Variants in AAK1 observed in about 807,000 individuals in gnomAD.
The protein encoded by AAK1 is AP2 associated kinase 1.
A neutral mutation model predicts 116.0 loss-of-function variants in AAK1; 37 were observed. The observed-to-expected ratio is 0.32, with a 90% CI of 0.25 to 0.42. The LOEUF (loss-of-function observed/expected upper bound fraction) is 0.42, where lower values mean the gene tolerates loss of function less well. Ranked by LOEUF, AAK1 falls within the 10% of genes least tolerant of loss-of-function variation. AAK1 has a pLI of 1.00. For missense variants in AAK1, 919 were observed against 1,170.6 expected, an observed-to-expected ratio of 0.79 and a Z score of 3.14; for synonymous variants, 458 against 439.9, an observed-to-expected ratio of 1.04 and a Z score of -0.51.
At chr2:69,629,608 A>G (rs1488938667) in intron 2 of AAK1, among the ~76,000 whole-genome samples, 1 of 152,196 alleles carries the variant, frequency 6.6e-6, no homozygotes, top group Non-Finnish European at 1.5e-5. Flanking sequence ...ACACAGATCT[A>G]TTATACGATT....
chr2:69,580,630 T>A (rs912792627), intron 2 of AAK1, among the ~76,000 whole-genome samples: 3 of 152,226 alleles, frequency 2.0e-5, no homozygotes, highest in Non-Finnish European at 4.4e-5. Flanking sequence ...TTGCTCCAGG[T>A]TCCGTTAGAA....
chr2:69,474,343 G>C lies in AAK1; in HGVS notation c.*1526C>G. The stretch of plus-strand genomic sequence containing the variant: ...GGCACTAGAGGAAAAGAACAGGAGT[G>C]GGGTTCTCTGTGCCCACTTCTTTTC... On this transcript the variant is annotated 3_prime_UTR_variant, in exon 22 of 22. Transcript: ENST00000409085. The C allele has an allele frequency of 1.0e-6, 1 of 985,820 alleles. No homozygotes were observed. The highest frequency in any genetic ancestry group is 1.2e-6 in the Non-Finnish European group (1 of 829,916). The allele number at this position is 985,820 out of a possible 1,614,324, so 61.1% of individuals were successfully genotyped here.
Position 69,475,474 on chromosome 2 carries a change from T to G in AAK1, c.*395A>C. ...AGCATCTGGCCAAAGGAGACGGGGG[T>G]TGGGAGAATTGATCTGGGAGGCCAT... On this transcript the variant is annotated 3_prime_UTR_variant, in exon 22 of 22. Transcript: ENST00000409085. The G allele has an allele frequency of 9.9e-7, 1 of 1,015,132 alleles. No homozygotes were observed. The highest frequency in any genetic ancestry group is 1.2e-6 in the Non-Finnish European group (1 of 847,562). 62.9% of individuals were successfully genotyped at this position (1,015,132 alleles called of 1,614,324 possible).
At chr2:69,527,118 G>A (rs1156252365) in intron 9 of AAK1, 98 bp downstream of exon 9, 51 of 839,888 alleles carry the variant, frequency 6.1e-5, no homozygotes, top group Non-Finnish European at 2.8e-5. Flanking sequence ...ATAAAGCAAG[G>A]GACATCTAAA....
chr2:69,556,775 G>C, intron 3 of AAK1, 85 bp downstream of exon 3: 1 of 1,071,438 alleles, frequency 9.3e-7, no homozygotes, highest in Non-Finnish European at 1.4e-6. Flanking sequence ...TCAGGGAAGG[G>C]AACAAACCCC....
At position 69,626,711 on chromosome 2, in the gene AAK1, A is replaced by T. The variant is rs189685670; in HGVS notation, c.163+16167T>A. Among the ~76,000 whole-genome samples, 322 of 142,532 alleles carry T rather than the reference A, an allele frequency of 2.3e-3. 2 individuals carry two copies. Among genetic ancestry groups the T allele is most frequent in the African/African-American group, 8.0e-3 (295 of 37,096 alleles). 93.5% of individuals were successfully genotyped at this position (142,532 alleles called of 152,430 possible). A position where few individuals can be genotyped will look rare whatever the true frequency, so the allele number is the denominator to read the frequency against. ...GACAGGGTTTTGCCATGTTGCCCAG[A>T]CTGGTCTTGAACTCCTGGGCTCAAG... On this transcript the variant is annotated intron_variant, in intron 2 of 21. Transcript: ENST00000409085.
At chr2:69,606,927 G>A (rs989667952) in intron 2 of AAK1, among the ~76,000 whole-genome samples, 13 of 151,968 alleles carry the variant, frequency 8.6e-5, no homozygotes, top group African/African-American at 2.7e-4. Flanking sequence ...TTAGCCGGGC[G>A]TGGTGGTGCA....
chr2:69,610,637 A>G (rs1674035508), intron 2 of AAK1, among the ~76,000 whole-genome samples: 1 of 152,240 alleles, frequency 6.6e-6, no homozygotes, highest in Admixed American at 6.5e-5. Context: ...TCCAGAAAAT[A>G]TTAAAAATTC....
At chr2:69,543,554 C>T (rs549152498) in intron 4 of AAK1, among the ~76,000 whole-genome samples, 17 of 152,018 alleles carry the variant, frequency 1.1e-4, no homozygotes, top group African/African-American at 3.1e-4. Context: ...ATTACAGGTG[C>T]GCACCACCAT....
At chr2:69,535,667 A>G (rs917621531) in intron 5 of AAK1, among the ~76,000 whole-genome samples, 2 of 152,056 alleles carry the variant, frequency 1.3e-5, no homozygotes, top group Admixed American at 6.6e-5. Context: ...ATGGGGAAAG[A>G]GCATTCCAAG....
rs2104872476 is a variant in AAK1, at chr2:69,471,369, T to G, written c.*4500A>C. 1.0e-6 allele frequency: 1 copy of G among 985,450 alleles called. No homozygotes were observed. 61.0% of individuals were successfully genotyped at this position (985,450 alleles called of 1,614,324 possible). On this transcript the variant is annotated 3_prime_UTR_variant, in exon 22 of 22. Transcript: ENST00000409085. ...AGCACTCATTCTGATTTAAGAAATC[T>G]AAGCACATCCAACTTCAGAAACATT...
chr2:69,570,598 C>T (rs1180311735), intron 2 of AAK1, among the ~76,000 whole-genome samples: 5 of 152,038 alleles, frequency 3.3e-5, no homozygotes, highest in Non-Finnish European at 7.4e-5. Flanking sequence ...CTAGGTAGGG[C>T]ACCTGAAAAA....
chr2:69,500,698 T>TAGACACACACAC, intron 16 of AAK1, among the ~76,000 whole-genome samples: 56 of 65,100 alleles, frequency 8.6e-4, no homozygotes, highest in African/African-American at 4.3e-3. Flanking sequence ...TATATATATA[T>TAGACACACACAC]ACACACACAC....
intron 5 of AAK1, among the ~76,000 whole-genome samples, chr2:69,536,014 C>T (rs1040483256): frequency 6.6e-6 from 1 of 152,180 alleles, no homozygotes; most frequent in African/African-American, 2.4e-5. Context: ...TCATATAATC[C>T]TTACAAAGCC....
At chr2:69,504,368 A>T (rs1001141377) in intron 16 of AAK1, among the ~76,000 whole-genome samples, 3 of 140,980 alleles carry the variant, frequency 2.1e-5, no homozygotes, top group African/African-American at 5.4e-5. Context: ...ACTGCACTCC[A>T]GCCTGGGCGA....
intron 10 of AAK1, among the ~76,000 whole-genome samples, chr2:69,522,123 T>C (rs1043729182): frequency 1.3e-5 from 2 of 152,240 alleles, no homozygotes; most frequent in South Asian, 4.1e-4. Flanking sequence ...TCATTTACAG[T>C]AGTCCAGGCA....
At chr2:69,583,694 C>T (rs1244653751) in intron 2 of AAK1, among the ~76,000 whole-genome samples, 3 of 152,182 alleles carry the variant, frequency 2.0e-5, no homozygotes, top group Non-Finnish European at 4.4e-5. Context: ...TCTTCACCTG[C>T]CACTTTCTTG....
At chr2:69,636,709 T>C (rs1291573290) in intron 2 of AAK1, among the ~76,000 whole-genome samples, 1 of 151,898 alleles carries the variant, frequency 6.6e-6, no homozygotes, top group Non-Finnish European at 1.5e-5. Context: ...CTTTTTCTTT[T>C]TTTTTTTTGA....
intron 2 of AAK1, among the ~76,000 whole-genome samples, chr2:69,592,220 A>G (rs1673065945): frequency 6.6e-6 from 1 of 152,150 alleles, no homozygotes; most frequent in East Asian, 1.9e-4. Context: ...TTGTCCTGCC[A>G]GTGTTTCTTA....
Sources: gnomAD v4.1 joint callset for allele counts (sites outside exome capture counted in the v4.1 genomes callset) on GRCh38, gnomAD v4.1.1 for gene constraint, MANE v1.5 for transcripts, NCBI Gene and HGNC (gene_info 2026-07-23, HGNC 2026-07-21) for gene names.